Variants in NTRK2 observed in about 807,000 individuals in gnomAD.
The protein encoded by NTRK2 is neurotrophic receptor tyrosine kinase 2, also known as BDNF/NT-3 growth factors receptor.
A neutral mutation model predicts 94.5 loss-of-function variants in NTRK2; 13 were observed. The ratio of observed to expected loss-of-function variants is 0.14; its 90% CI spans 0.09 to 0.22. The LOEUF (loss-of-function observed/expected upper bound fraction) is 0.22. Among genes scored for constraint, NTRK2 ranks in the 10% least tolerant of loss-of-function variants. NTRK2 has a pLI of 1.00. For missense variants in NTRK2, 639 were observed against 1,071.2 expected (o/e 0.60, Z 5.63); for synonymous variants, 372 against 407.4 (o/e 0.91, Z 1.05).
intron 14 of NTRK2, among the ~76,000 whole-genome samples, chr9:84,903,661 C>G (rs1243426827): frequency 2.0e-5 from 3 of 152,066 alleles, no homozygotes; most frequent in Non-Finnish European, 4.4e-5. Context: ...TGTCTCTATT[C>G]TTTTCTTTTC....
chr9:84,690,445 C>A (rs187637449), intron 2 of NTRK2, among the ~76,000 whole-genome samples: 1 of 151,684 alleles, frequency 6.6e-6, no homozygotes, highest in Non-Finnish European at 1.5e-5. Context: ...ACAGTCCAGG[C>A]GAATCATTGG....
chr9:84,901,535 A>G (rs1438990453), intron 14 of NTRK2, among the ~76,000 whole-genome samples: 3 of 152,110 alleles, frequency 2.0e-5, no homozygotes, highest in Non-Finnish European at 4.4e-5. Context: ...CCCGACCATA[A>G]TTTTTAAGAC....
At chr9:84,693,324 A>G (rs1364721557) in intron 2 of NTRK2, among the ~76,000 whole-genome samples, 1 of 152,204 alleles carries the variant, frequency 6.6e-6, no homozygotes, top group Non-Finnish European at 1.5e-5. Context: ...TCCTTTCATT[A>G]TAGAGACCTA....
intron 14 of NTRK2, among the ~76,000 whole-genome samples, chr9:84,916,610 A>T (rs1209522997): frequency 6.6e-6 from 1 of 152,132 alleles, no homozygotes; most frequent in African/African-American, 2.4e-5. Flanking sequence ...TGGACTCCAG[A>T]TCCCATTAGG....
At chr9:84,794,919 T>C (rs1030801525) in intron 12 of NTRK2, among the ~76,000 whole-genome samples, 1 of 152,138 alleles carries the variant, frequency 6.6e-6, no homozygotes, top group Non-Finnish European at 1.5e-5. Context: ...AAGCACAATC[T>C]CATCAAAGCT....
At chr9:84,864,947 G>A (rs1214815770) in intron 13 of NTRK2, among the ~76,000 whole-genome samples, 2 of 151,810 alleles carry the variant, frequency 1.3e-5, no homozygotes, top group African/African-American at 2.4e-5. Context: ...CACCATGGCG[G>A]CCAGGCTGGT....
intron 17 of NTRK2, among the ~76,000 whole-genome samples, chr9:85,019,119 T>C (rs1312795836): frequency 6.6e-6 from 1 of 152,212 alleles, no homozygotes; most frequent in East Asian, 1.9e-4. Context: ...GGGAACATTT[T>C]CCAGACACTA....
At chr9:84,843,144 A>G (rs1039403097) in intron 12 of NTRK2, among the ~76,000 whole-genome samples, 3 of 152,080 alleles carry the variant, frequency 2.0e-5, no homozygotes, top group African/African-American at 7.2e-5. Context: ...CGTATAAAGA[A>G]CTCAGTAGGT....
chr9:84,719,310 G>A (rs1225600886), intron 6 of NTRK2, among the ~76,000 whole-genome samples: 1 of 152,060 alleles, frequency 6.6e-6, no homozygotes, highest in Non-Finnish European at 1.5e-5. Context: ...TTCTAAGGAT[G>A]AGATAAAACA....
chr9:84,833,209 A>T (rs2073673587), intron 12 of NTRK2, among the ~76,000 whole-genome samples: 1 of 152,156 alleles, frequency 6.6e-6, no homozygotes, highest in Admixed American at 6.5e-5. Context: ...TGTTCTGTGA[A>T]GTGCTTCTCA....
chr9:84,872,978 T>C, intron 14 of NTRK2: 1 of 1,064,560 alleles, frequency 9.4e-7, no homozygotes, highest in Non-Finnish European at 1.1e-6. Context: ...GCAGAGGTTT[T>C]GAACATATTT....
At chr9:84,732,388 C>T (rs1397979870) in intron 9 of NTRK2, among the ~76,000 whole-genome samples, 1 of 152,152 alleles carries the variant, frequency 6.6e-6, no homozygotes, top group Admixed American at 6.5e-5. Flanking sequence ...AACTCAGATT[C>T]CGTGGCTCTG....
At chr9:84,788,893 C>G (rs2068423223) in intron 12 of NTRK2, among the ~76,000 whole-genome samples, 1 of 152,176 alleles carries the variant, frequency 6.6e-6, no homozygotes, top group South Asian at 2.1e-4. Flanking sequence ...AGCCCACACC[C>G]ATCCATTAGG....
chr9:84,819,320 C>T (rs1217361831), intron 12 of NTRK2, among the ~76,000 whole-genome samples: 3 of 152,180 alleles, frequency 2.0e-5, no homozygotes. Context: ...TGCAATTTCA[C>T]CTCAAGCCCC....
At chr9:84,984,584 T>C (rs1352311711) in intron 17 of NTRK2, among the ~76,000 whole-genome samples, 1 of 152,156 alleles carries the variant, frequency 6.6e-6, no homozygotes, top group Non-Finnish European at 1.5e-5. Flanking sequence ...TTCACAAGTC[T>C]CTCGAATCCT....
chr9:84,794,722 G>A (rs1399324758), intron 12 of NTRK2, among the ~76,000 whole-genome samples: 2 of 152,176 alleles, frequency 1.3e-5, no homozygotes, highest in Non-Finnish European at 2.9e-5. Context: ...CAAAGGAGGG[G>A]AAATTCTTGC....
chr9:84,935,689 G>A (rs1290277865), intron 15 of NTRK2, among the ~76,000 whole-genome samples: 1 of 152,148 alleles, frequency 6.6e-6, no homozygotes, highest in East Asian at 1.9e-4. Context: ...GGTAGAAGGT[G>A]GCAAAGTGAG....
chr9:84,897,713 C>T (rs999067843), intron 14 of NTRK2, among the ~76,000 whole-genome samples: 2 of 152,234 alleles, frequency 1.3e-5, no homozygotes, highest in African/African-American at 4.8e-5. Flanking sequence ...CCTTCCTCCA[C>T]ACCCTCACAA....
intron 6 of NTRK2, among the ~76,000 whole-genome samples, chr9:84,716,797 T>C (rs2061738486): frequency 6.6e-6 from 1 of 152,218 alleles, no homozygotes; most frequent in South Asian, 2.1e-4. Flanking sequence ...AATTTTTGTG[T>C]TTAGAAGTTA....
Sources: gnomAD v4.1 joint callset for allele counts (sites outside exome capture counted in the v4.1 genomes callset) on GRCh38, gnomAD v4.1.1 for gene constraint, MANE v1.5 for transcripts, NCBI Gene and HGNC (gene_info 2026-07-23, HGNC 2026-07-21) for gene names.